The following ASB4 variants were observed in gnomAD, a reference collection of about 807,000 sequenced individuals.
The protein encoded by ASB4 is ankyrin repeat and SOCS box containing 4.
In ASB4, 35 loss-of-function variants were observed where a neutral mutation model predicts 38.6. That is an observed-to-expected ratio of 0.91 (90% CI 0.69 to 1.20). The LOEUF (loss-of-function observed/expected upper bound fraction) is 1.20, where lower values mean the gene tolerates loss of function less well. ASB4 is among the 50% of genes most tolerant of loss of function. The pLI, the probability that ASB4 is intolerant of heterozygous loss-of-function variation, is 0.00. For missense variants in ASB4, 557 were observed against 527.2 expected, an observed-to-expected ratio of 1.06 and a Z score of -0.55; for synonymous variants, 195 against 201.3, an observed-to-expected ratio of 0.97 and a Z score of 0.26.
At chr7:95,517,313 C>T (rs36023908) in intron 2 of ASB4, among the ~76,000 whole-genome samples, 7,337 of 152,140 alleles carry the variant, frequency 0.048, 344 homozygotes, top group South Asian at 0.12. Context: ...GGACTACAGA[C>T]GTTAGCCACC....
At chr7:95,484,783 T>C (rs1790061700), upstream of ASB4, among the ~76,000 whole-genome samples, 2 of 152,042 alleles carry the variant, frequency 1.3e-5, no homozygotes, top group Non-Finnish European at 2.9e-5. Flanking sequence ...AATGATTTTA[T>C]GTAAGAAAAA....
chr7:95,530,391 G>A (rs1790803998), intron 3 of ASB4, among the ~76,000 whole-genome samples: 1 of 152,142 alleles, frequency 6.6e-6, no homozygotes, highest in Non-Finnish European at 1.5e-5. Context: ...CTTGAACCCG[G>A]GAGGCAGAGG....
At chr7:95,540,664 AC>A (rs750751121), downstream of ASB4, among the ~76,000 whole-genome samples, 2 of 152,314 alleles carry the variant, frequency 1.3e-5, no homozygotes, top group South Asian at 2.1e-4. Flanking sequence ...GAAGAAAAAA[AC>A]AATCTCTCTT....
upstream of ASB4, among the ~76,000 whole-genome samples, chr7:95,477,998 A>G (rs1300528413): frequency 6.6e-6 from 1 of 152,106 alleles, no homozygotes; most frequent in African/African-American, 2.4e-5. Context: ...ATACTTCCAT[A>G]GTATAAAATA....
intron 2 of ASB4, among the ~76,000 whole-genome samples, chr7:95,506,322 A>T (rs1790407456): frequency 6.6e-6 from 1 of 152,182 alleles, no homozygotes; most frequent in Admixed American, 6.5e-5. Context: ...GTTGATGTGC[A>T]TCTGGTGAAC....
At chr7:95,518,576 GA>G (rs1463565448) in intron 2 of ASB4, among the ~76,000 whole-genome samples, 1 of 152,022 alleles carries the variant, frequency 6.6e-6, no homozygotes, top group Non-Finnish European at 1.5e-5. Context: ...CTAACCTAAG[GA>G]AAAAAATTAG....
the ASB4 span, among the ~76,000 whole-genome samples, chr7:95,473,309 A>C: frequency 6.6e-6 from 1 of 152,188 alleles, no homozygotes; most frequent in African/African-American, 2.4e-5. Context: ...ACACATGTCA[A>C]CTTAGTTAAT....
chr7:95,547,887 TC>T, the ASB4 span, among the ~76,000 whole-genome samples: 1 of 152,202 alleles, frequency 6.6e-6, no homozygotes, highest in African/African-American at 2.4e-5. Context: ...CCTGCTGGCT[TC>T]CCCTGCAGAT....
chr7:95,506,647 T>A (rs1790412334), intron 2 of ASB4, among the ~76,000 whole-genome samples: 2 of 152,162 alleles, frequency 1.3e-5, no homozygotes, highest in Non-Finnish European at 2.9e-5. Context: ...TTCATTTTTT[T>A]ATGTGAATTT....
At chr7:95,516,311 A>G (rs916019497) in intron 2 of ASB4, among the ~76,000 whole-genome samples, 2 of 152,204 alleles carry the variant, frequency 1.3e-5, no homozygotes. Context: ...AGTCTTATCT[A>G]TGGTTACTTT....
intron 2 of ASB4, among the ~76,000 whole-genome samples, chr7:95,520,716 A>G (rs1159785382): frequency 6.6e-6 from 1 of 150,626 alleles, no homozygotes; most frequent in African/African-American, 2.5e-5. Flanking sequence ...TGGTTCCAAT[A>G]CCTTTATTAA....
At chr7:95,517,358 T>G (rs988536122) in intron 2 of ASB4, among the ~76,000 whole-genome samples, 9 of 152,102 alleles carry the variant, frequency 5.9e-5, no homozygotes, top group African/African-American at 1.4e-4. Context: ...CTTTATGTAT[T>G]CTAGACACGA....
the ASB4 span, among the ~76,000 whole-genome samples, chr7:95,547,659 A>G: frequency 3.9e-5 from 6 of 152,216 alleles, no homozygotes; most frequent in Non-Finnish European, 1.5e-5. Flanking sequence ...ACATCAGTTT[A>G]GATGTTGCTG....
chr7:95,500,730 T>G (rs568480475), intron 2 of ASB4, among the ~76,000 whole-genome samples: 2 of 152,318 alleles, frequency 1.3e-5, no homozygotes, highest in East Asian at 3.9e-4. Context: ...CATCTCAACT[T>G]CTGAAAGACT....
At chr7:95,534,812 A>G (rs1219059506) in intron 3 of ASB4, among the ~76,000 whole-genome samples, 1 of 152,222 alleles carries the variant, frequency 6.6e-6, no homozygotes, top group Non-Finnish European at 1.5e-5. Flanking sequence ...AATTACTGTC[A>G]TAGTACTAAA....
chr7:95,537,148 G>T (rs1203751811), intron 4 of ASB4, among the ~76,000 whole-genome samples: 6 of 152,172 alleles, frequency 3.9e-5, no homozygotes, highest in African/African-American at 1.4e-4. Flanking sequence ...GGGCTTGGAG[G>T]TCTGTGGCTT....
intron 4 of ASB4, 44 bp downstream of exon 4, chr7:95,536,594 T>C (rs1386642766): frequency 1.6e-5 from 23 of 1,403,182 alleles, no homozygotes; most frequent in Non-Finnish European, 2.2e-5. Context: ...TATCAAGTAC[T>C]TCCAGACTGC....
At chr7:95,496,551 A>C (rs1790251129) in intron 2 of ASB4, among the ~76,000 whole-genome samples, 1 of 152,212 alleles carries the variant, frequency 6.6e-6, no homozygotes. Flanking sequence ...TGAAATTTTA[A>C]GAATGAAAAG....
chr7:95,477,448 C>T (rs982500085), upstream of ASB4, among the ~76,000 whole-genome samples: 2 of 152,088 alleles, frequency 1.3e-5, no homozygotes, highest in African/African-American at 2.4e-5. Flanking sequence ...GTCAAGTTTT[C>T]ACAAATTTAT....
Sources: allele counts gnomAD v4.1 joint callset (sites outside exome capture counted in the v4.1 genomes callset), GRCh38; gene constraint gnomAD v4.1.1; transcripts MANE v1.5; gene names NCBI Gene and HGNC (gene_info 2026-07-23, HGNC 2026-07-21).